The following ZC3H3 variants were observed in gnomAD, a reference collection of about 807,000 sequenced individuals.
ZC3H3 encodes the protein zinc finger CCCH-type containing 3.
In ZC3H3, 36 loss-of-function variants were observed where a neutral mutation model predicts 77.3. The ratio of observed to expected loss-of-function variants is 0.47; its 90% confidence interval spans 0.36 to 0.61. ZC3H3 has a LOEUF of 0.61. Among genes scored for constraint, ZC3H3 ranks in the 20% least tolerant of loss-of-function variants. ZC3H3 has a pLI of 0.00. For synonymous variants in ZC3H3, 626 were observed against 555.2 expected, an observed-to-expected ratio of 1.13 and a Z score of -1.79; for missense variants, 1,331 against 1,312.2, an observed-to-expected ratio of 1.01 and a Z score of -0.22.
intron 4 of ZC3H3, among the ~76,000 whole-genome samples, chr8:143,478,374 G>C (rs1376734261): frequency 6.6e-6 from 1 of 152,226 alleles, no homozygotes; most frequent in Non-Finnish European, 1.5e-5. Context: ...CCGTGGGGCA[G>C]AGGCATCAGG....
intron 1 of ZC3H3, 90 bp downstream of exon 1, chr8:143,541,286 T>C (rs1487041229): frequency 1.3e-5 from 20 of 1,564,694 alleles, no homozygotes; most frequent in Non-Finnish European, 1.7e-5. Flanking sequence ...ACGCGGGCGG[T>C]GAGCGACCCC....
At position 143,538,443 on chromosome 8, in the gene ZC3H3, T is replaced by C. The variant is rs1004201327; in HGVS notation, c.924A>G (p.Lys308=). The change falls in exon 2 of 12, where the codon AAA becomes AAG. Residue 308 remains lysine, a synonymous_variant. Transcript: ENST00000262577. The part of the protein sequence containing the change: ...VVTCRTNKFR[K]NNYKWVAASS... ...AGGCAGCCACCCATTTGTAGTTGTTTTTCCGGAACTTGTTAGTTCGACAGG... is the reference window on the plus strand; with the variant it reads ...AGGCAGCCACCCATTTGTAGTTGTTCTTCCGGAACTTGTTAGTTCGACAGG... The C allele has an allele frequency of 6.2e-7, 1 of 1,613,180 alleles. No individual in the cohort carries two copies. The highest frequency in any genetic ancestry group is 1.3e-5 in the African/African-American group (1 of 75,058).
intron 4 of ZC3H3, among the ~76,000 whole-genome samples, chr8:143,495,076 C>T (rs943768926): frequency 1.3e-5 from 2 of 152,176 alleles, no homozygotes; most frequent in Non-Finnish European, 2.9e-5. Context: ...TACGTCCCAG[C>T]GATCCCACGC....
chr8:143,463,856 C>G (rs1422703379), intron 9 of ZC3H3, among the ~76,000 whole-genome samples: 1 of 152,236 alleles, frequency 6.6e-6, no homozygotes, highest in African/African-American at 2.4e-5. Context: ...AGAGGTTGAC[C>G]CCTGAGCCAC....
At chr8:143,455,242 A>AGAT in intron 9 of ZC3H3, among the ~76,000 whole-genome samples, 1 of 152,320 alleles carries the variant, frequency 6.6e-6, no homozygotes, top group Non-Finnish European at 1.5e-5. Flanking sequence ...TGAACCCAGG[A>AGAT]GATGGAGGGT....
chr8:143,472,446 C>T (rs1820595163), intron 5 of ZC3H3, among the ~76,000 whole-genome samples: 1 of 152,228 alleles, frequency 6.6e-6, no homozygotes, highest in South Asian at 2.1e-4. Context: ...CGGGGAGACA[C>T]AGCAGCACCA....
At chr8:143,511,209 C>T (rs567602594) in intron 3 of ZC3H3, among the ~76,000 whole-genome samples, 145 of 152,274 alleles carry the variant, frequency 9.5e-4, no homozygotes, top group Non-Finnish European at 1.8e-3. Context: ...GACGCATCAT[C>T]AGGAGGGCGG....
Position 143,460,922 on chromosome 8 carries a change from C to A in ZC3H3, c.2307+4795G>T, listed in dbSNP as rs905919868. Among the ~76,000 whole-genome samples, 1 of 152,174 alleles carries A rather than the reference C, an allele frequency of 6.6e-6. No homozygotes were observed. The highest frequency in any genetic ancestry group is 1.5e-5 in the Non-Finnish European group (1 of 68,042). Reference sequence around the variant, plus strand: ...GACATAGCTAGAGGAGGCGCCTTCACTAACTAGTTAGGTGTCTAACTAGGG... The same window carrying A: ...GACATAGCTAGAGGAGGCGCCTTCAATAACTAGTTAGGTGTCTAACTAGGG... On this transcript the variant is annotated intron_variant, in intron 9 of 11. Coordinates refer to ENST00000262577, the MANE Select transcript of ZC3H3 (RefSeq NM_015117.3). The surrounding 1 kb of genome is among the most constrained non-coding windows in gnomAD (Gnocchi z 4.0).
At chr8:143,522,726 T>C (rs866359341) in intron 3 of ZC3H3, among the ~76,000 whole-genome samples, 1 of 152,108 alleles carries the variant, frequency 6.6e-6, no homozygotes, top group South Asian at 2.1e-4. Flanking sequence ...GGAGACCAGC[T>C]TGGGCAACAT....
At chr8:143,528,839 G>T (rs1298768821) in intron 3 of ZC3H3, among the ~76,000 whole-genome samples, 2 of 152,240 alleles carry the variant, frequency 1.3e-5, no homozygotes, top group Non-Finnish European at 2.9e-5. Context: ...CTCTGGGAGG[G>T]GGGGCGCCTC....
At chr8:143,474,682 C>T (rs1170499505) in intron 5 of ZC3H3, among the ~76,000 whole-genome samples, 1 of 152,234 alleles carries the variant, frequency 6.6e-6, no homozygotes, top group Non-Finnish European at 1.5e-5. Context: ...CCAGCATGGC[C>T]CAGCCTCTGC....
intron 9 of ZC3H3, among the ~76,000 whole-genome samples, chr8:143,454,499 G>A (rs555124728): frequency 2.3e-4 from 35 of 151,258 alleles, no homozygotes; most frequent in Middle Eastern, 3.5e-3. Context: ...TCCGCCTCCC[G>A]GGTTCACGCC....
chr8:143,445,897 T>C (rs1415569554), intron 9 of ZC3H3, among the ~76,000 whole-genome samples: 1 of 152,106 alleles, frequency 6.6e-6, no homozygotes, highest in Non-Finnish European at 1.5e-5. Flanking sequence ...TCTGGGAGAA[T>C]AATGGTCAAG....
chr8:143,476,123 G>A (rs1429280150), intron 4 of ZC3H3, among the ~76,000 whole-genome samples: 1 of 152,150 alleles, frequency 6.6e-6, no homozygotes, highest in Non-Finnish European at 1.5e-5. Context: ...CTACCAACCG[G>A]CCCCAGCACA....
chr8:143,523,525 C>A (rs1321100513), intron 3 of ZC3H3: 1 of 985,348 alleles, frequency 1.0e-6, no homozygotes. Context: ...CTCAGGACAA[C>A]TGCCACCATC....
chr8:143,470,658 G>A (rs1365140788), intron 5 of ZC3H3, among the ~76,000 whole-genome samples: 1 of 152,366 alleles, frequency 6.6e-6, no homozygotes, highest in South Asian at 2.1e-4. Flanking sequence ...TCACGTGCCC[G>A]CCTGGCAGGA....
rs139062665 is a variant in ZC3H3 at position 143,516,813 on chromosome 8, G to A, written c.1562-8914C>T. Among the ~76,000 whole-genome samples the A allele has an allele frequency of 5.7e-3, 861 of 152,318 alleles. 31 individuals carry two copies. The highest frequency in any genetic ancestry group is 0.051 in the Admixed American group (773 of 15,300). On this transcript the variant is annotated intron_variant, in intron 3 of 11. Transcript: ENST00000262577. ...CCTGGGACGCAGCCCCGTGGGATCCGGGGATTCATCTTTGACAAACATTTA... is the reference window on the plus strand; with the variant it reads ...CCTGGGACGCAGCCCCGTGGGATCCAGGGATTCATCTTTGACAAACATTTA...
At chr8:143,448,057 G>A (rs147110858) in intron 9 of ZC3H3, among the ~76,000 whole-genome samples, 7 of 152,144 alleles carry the variant, frequency 4.6e-5, no homozygotes, top group African/African-American at 1.7e-4. Context: ...CCCGAGAGGC[G>A]GGGGGTTGCG....
chr8:143,468,753 CCAACA>C, intron 5 of ZC3H3, 94 bp from the exon 6 acceptor site: 1 of 1,441,304 alleles, frequency 6.9e-7, no homozygotes, highest in Non-Finnish European at 9.2e-7. Flanking sequence ...CTCAGGGGTC[CCAACA>C]CTCAGCTCAG....
Sources: gnomAD v4.1 joint callset for allele counts (sites outside exome capture counted in the v4.1 genomes callset) on GRCh38, gnomAD v4.1.1 for gene constraint, Gnocchi (gnomAD v3.1) non-coding constraint, MANE v1.5 for transcripts, NCBI Gene and HGNC (gene_info 2026-07-23, HGNC 2026-07-21) for gene names.